NECAB1: variants seen among roughly 807,000 people sequenced by gnomAD.
NECAB1 encodes N-terminal EF-hand calcium binding protein 1.
In NECAB1, 29 loss-of-function variants were observed where a neutral mutation model predicts 57.5. That is an observed-to-expected ratio of 0.50 (90% CI 0.38 to 0.69). NECAB1 has a LOEUF of 0.69. Ranked by LOEUF, NECAB1 falls within the 30% of genes least tolerant of loss-of-function variation. NECAB1 has a pLI of 0.00. For missense variants in NECAB1, 372 were observed against 413.8 expected, an observed-to-expected ratio of 0.90 and a Z score of 0.88; for synonymous variants, 142 against 147.7, an observed-to-expected ratio of 0.96 and a Z score of 0.28.
At chr8:90,828,211 C>A (rs1812253911) in intron 3 of NECAB1, among the ~76,000 whole-genome samples, 1 of 149,874 alleles carries the variant, frequency 6.7e-6, no homozygotes, top group African/African-American at 2.5e-5. Context: ...GCAAATAAAT[C>A]CCAGAAAAAC....
At chr8:90,928,969 A>G (rs1810343260) in intron 8 of NECAB1, among the ~76,000 whole-genome samples, 1 of 152,210 alleles carries the variant, frequency 6.6e-6, no homozygotes, top group Admixed American at 6.5e-5. Flanking sequence ...TCAATCAGTA[A>G]GAAAAAAATG....
chr8:90,917,177 C>T (rs1347894761), intron 5 of NECAB1, among the ~76,000 whole-genome samples: 1 of 152,130 alleles, frequency 6.6e-6, no homozygotes, highest in Non-Finnish European at 1.5e-5. Flanking sequence ...CCCTCCGCCA[C>T]CGGATATTTA....
chr8:90,892,995 T>C (rs2129965805), intron 5 of NECAB1, among the ~76,000 whole-genome samples: 1 of 152,294 alleles, frequency 6.6e-6, no homozygotes, highest in East Asian at 1.9e-4. Flanking sequence ...TCTCCAGCTA[T>C]GCTCAGCCAT....
intron 5 of NECAB1, among the ~76,000 whole-genome samples, chr8:90,891,154 G>C (rs1268672695): frequency 6.6e-6 from 1 of 152,214 alleles, no homozygotes; most frequent in Non-Finnish European, 1.5e-5. Context: ...CAGAGTGTTT[G>C]AAGCATTAAG....
In NECAB1 at chr8:90,805,931, T is replaced by C. The variant is rs150646183; in HGVS notation, c.124+4216T>C. Among the ~76,000 whole-genome samples, 613 of 152,270 alleles carry C rather than the reference T, an allele frequency of 4.0e-3. 1 individual carries two copies. Among genetic ancestry groups the C allele is most frequent in the Middle Eastern group, 0.01 (3 of 294 alleles). On this transcript the variant is annotated intron_variant, in intron 2 of 12. Coordinates refer to ENST00000417640, the MANE Select transcript of NECAB1 (RefSeq NM_022351.5). ...AAAGTTTGTACCCTTGACTATCATC[T>C]CCCATTTCCTCCACCCCCAGCCCAT...
At chr8:90,929,086 A>G (rs1219625727) in intron 8 of NECAB1, among the ~76,000 whole-genome samples, 1 of 152,230 alleles carries the variant, frequency 6.6e-6, no homozygotes. Flanking sequence ...ATTCTCCTAA[A>G]AAGGCAGAGC....
intron 5 of NECAB1, among the ~76,000 whole-genome samples, chr8:90,884,288 C>G (rs1274455288): frequency 6.6e-6 from 1 of 152,158 alleles, no homozygotes; most frequent in Non-Finnish European, 1.5e-5. Context: ...TTGATTTTAG[C>G]ATCTACAGAT....
At chr8:90,922,557 A>G (rs1237104241) in intron 6 of NECAB1, among the ~76,000 whole-genome samples, 1 of 131,702 alleles carries the variant, frequency 7.6e-6, no homozygotes, top group East Asian at 2.5e-4. Context: ...CAGGGGCACA[A>G]TCTCTGCTCA....
intron 6 of NECAB1, among the ~76,000 whole-genome samples, chr8:90,921,011 GT>G (rs962941734): frequency 6.6e-6 from 1 of 152,178 alleles, no homozygotes; most frequent in East Asian, 1.9e-4. Context: ...AAATTCACCA[GT>G]TTTTTGTTTG....
In NECAB1 at chr8:90,867,646, T is replaced by A. The variant is rs1808543990; in HGVS notation, c.234-4482T>A. Among the ~76,000 whole-genome samples, 3 of 152,382 alleles carry A rather than the reference T, an allele frequency of 2.0e-5. No homozygotes were observed. In the South Asian group the frequency reaches 6.2e-4, roughly 32 times the overall value. ...GCAGTCGAGATATAGGTAAATAGAT[T>A]TATTTGTTTATCAATTATACAAATG... On this transcript the variant is annotated intron_variant, in intron 3 of 12. Transcript: ENST00000417640.
intron 5 of NECAB1, among the ~76,000 whole-genome samples, chr8:90,914,884 TAC>T (rs1220052799): frequency 1.8e-4 from 27 of 152,342 alleles, no homozygotes; most frequent in Non-Finnish European, 3.8e-4. Flanking sequence ...CCATAAGGGA[TAC>T]AGAAATAAAA....
At chr8:90,803,931 C>T (rs894911561) in intron 2 of NECAB1, among the ~76,000 whole-genome samples, 4 of 152,214 alleles carry the variant, frequency 2.6e-5, no homozygotes, top group Non-Finnish European at 5.9e-5. Context: ...GACAGGGCCC[C>T]ACCCTCTCCC....
At chr8:90,885,638 T>G (rs1808963004) in intron 5 of NECAB1, among the ~76,000 whole-genome samples, 2 of 152,214 alleles carry the variant, frequency 1.3e-5, no homozygotes, top group African/African-American at 2.4e-5. Flanking sequence ...ACAATGTGGC[T>G]AGTTGATTTA....
At position 90,958,926 on chromosome 8, in the gene NECAB1, G is replaced by A; in HGVS notation, c.*3414G>A. 1 of 777,654 alleles carries A rather than the reference G, an allele frequency of 1.3e-6. No individual in the cohort carries two copies. Among genetic ancestry groups the A allele is most frequent in the South Asian group, 1.9e-5 (1 of 52,708 alleles). The allele number at this position is 777,654 out of a possible 1,614,324, so 48.2% of individuals were successfully genotyped here. On this transcript the variant is annotated 3_prime_UTR_variant, in exon 13 of 13. Coordinates refer to ENST00000417640, the MANE Select transcript of NECAB1 (RefSeq NM_022351.5). Reference sequence around the variant, plus strand: ...ATCAAAATTAAGAATAAATTGAATTGTCACAGTCCATTACAGTTATTGTTG... The same window carrying A: ...ATCAAAATTAAGAATAAATTGAATTATCACAGTCCATTACAGTTATTGTTG...
intron 3 of NECAB1, among the ~76,000 whole-genome samples, chr8:90,843,565 C>G (rs1050195187): frequency 6.6e-6 from 1 of 152,170 alleles, no homozygotes; most frequent in Non-Finnish European, 1.5e-5. Flanking sequence ...TTGTTAGAGA[C>G]AACTGACTAT....
intron 3 of NECAB1, among the ~76,000 whole-genome samples, chr8:90,846,062 C>T (rs184943047): frequency 2.6e-5 from 4 of 152,288 alleles, no homozygotes; most frequent in Admixed American, 2.6e-4. Context: ...CAAAAAGTGG[C>T]ATATCCTTAA....
intron 3 of NECAB1, among the ~76,000 whole-genome samples, chr8:90,834,512 G>A (rs928800504): frequency 2.0e-5 from 3 of 152,066 alleles, no homozygotes; most frequent in East Asian, 1.9e-4. Context: ...AAGTGCCATC[G>A]ATGAGTAACA....
chr8:90,875,966 G>C (rs931096862), intron 4 of NECAB1, among the ~76,000 whole-genome samples: 4 of 151,910 alleles, frequency 2.6e-5, no homozygotes, highest in Admixed American at 2.0e-4. Flanking sequence ...GCTGAGATCA[G>C]GCCACTGCAC....
At chr8:90,830,973 G>T (rs1258511862) in intron 3 of NECAB1, among the ~76,000 whole-genome samples, 1 of 152,124 alleles carries the variant, frequency 6.6e-6, no homozygotes, top group Non-Finnish European at 1.5e-5. Context: ...GGAAATAATT[G>T]TCTGGCTCAC....
Sources: gnomAD v4.1 joint callset for allele counts (sites outside exome capture counted in the v4.1 genomes callset) on GRCh38, gnomAD v4.1.1 for gene constraint, MANE v1.5 for transcripts, NCBI Gene and HGNC (gene_info 2026-07-23, HGNC 2026-07-21) for gene names.